The following ST6GALNAC3 variants were observed in gnomAD, a reference collection of about 807,000 sequenced individuals.
ST6GALNAC3 encodes the protein ST6 N-acetylgalactosaminide alpha-2,6-sialyltransferase 3.
In ST6GALNAC3, 25 loss-of-function variants were observed where a neutral mutation model predicts 32.7. That is an observed-to-expected ratio of 0.76 (90% confidence interval 0.56 to 1.07). ST6GALNAC3 has a LOEUF of 1.07. Ranked by LOEUF, ST6GALNAC3 falls within the 50% of genes least tolerant of loss-of-function variation. The pLI, the probability that ST6GALNAC3 is intolerant of heterozygous loss-of-function variation, is 0.00. For missense variants in ST6GALNAC3, 355 were observed against 382.4 expected, an observed-to-expected ratio of 0.93 and a Z score of 0.60; for synonymous variants, 129 against 133.1, an observed-to-expected ratio of 0.97 and a Z score of 0.21.
At chr1:76,386,245 A>T (rs1424862316) in intron 2 of ST6GALNAC3, among the ~76,000 whole-genome samples, 1 of 152,146 alleles carries the variant, frequency 6.6e-6, no homozygotes, top group African/African-American at 2.4e-5. Context: ...CTTAACTTGT[A>T]AGGCTATGAG....
chr1:76,577,073 G>T (rs1351609733), intron 3 of ST6GALNAC3: 3 of 1,105,900 alleles, frequency 2.7e-6, no homozygotes, highest in Non-Finnish European at 3.4e-6. Context: ...TAATTATTCA[G>T]GTATGATGGT....
At chr1:76,568,722 G>A (rs72991832) in intron 3 of ST6GALNAC3, among the ~76,000 whole-genome samples, 1 of 152,100 alleles carries the variant, frequency 6.6e-6, no homozygotes, top group Non-Finnish European at 1.5e-5. Context: ...TTCGTGTCCA[G>A]GTGCATTAAT....
intron 1 of ST6GALNAC3, among the ~76,000 whole-genome samples, chr1:76,232,377 C>A (rs1656411300): frequency 6.6e-6 from 1 of 152,092 alleles, no homozygotes. Context: ...ACAGGGAGGT[C>A]CACTCACCCC....
chr1:76,133,170 G>A (rs1301981145), intron 1 of ST6GALNAC3, among the ~76,000 whole-genome samples: 1 of 152,120 alleles, frequency 6.6e-6, no homozygotes, highest in African/African-American at 2.4e-5. Context: ...ACACCAACCA[G>A]GTAGCTTGGG....
At chr1:76,591,731 G>T (rs758760673) in intron 3 of ST6GALNAC3, among the ~76,000 whole-genome samples, 34 of 152,054 alleles carry the variant, frequency 2.2e-4, no homozygotes, top group Non-Finnish European at 4.6e-4. Flanking sequence ...ATGGAAAATG[G>T]CCTGGCTGCC....
chr1:76,381,180 A>G (rs1016578317), intron 2 of ST6GALNAC3, among the ~76,000 whole-genome samples: 1 of 132,920 alleles, frequency 7.5e-6, no homozygotes, highest in Admixed American at 8.2e-5. Flanking sequence ...AAAAAAAAAA[A>G]AAAAAAGAAA....
chr1:76,364,711 C>A (rs972895760), intron 2 of ST6GALNAC3, among the ~76,000 whole-genome samples: 1 of 151,576 alleles, frequency 6.6e-6, no homozygotes, highest in Non-Finnish European at 1.5e-5. Flanking sequence ...ATACAAGTGG[C>A]CAAGAAACAT....
At chr1:76,360,888 A>G (rs1274316592) in intron 2 of ST6GALNAC3, among the ~76,000 whole-genome samples, 1 of 152,098 alleles carries the variant, frequency 6.6e-6, no homozygotes, top group African/African-American at 2.4e-5. Flanking sequence ...CTTTCCTTTC[A>G]TGTATTCCTG....
intron 1 of ST6GALNAC3, among the ~76,000 whole-genome samples, chr1:76,264,412 C>T (rs549043044): frequency 1.3e-5 from 2 of 152,318 alleles, no homozygotes; most frequent in African/African-American, 2.4e-5. Flanking sequence ...TCACCAAGCA[C>T]GTCTGCCATA....
intron 2 of ST6GALNAC3, among the ~76,000 whole-genome samples, chr1:76,405,505 G>T (rs1653761202): frequency 6.6e-6 from 1 of 152,006 alleles, no homozygotes; most frequent in African/African-American, 2.4e-5. Flanking sequence ...GAAGAGAAAG[G>T]GATGGTTTTC....
chr1:76,115,440 T>C (rs1648400059), intron 1 of ST6GALNAC3, among the ~76,000 whole-genome samples: 1 of 152,220 alleles, frequency 6.6e-6, no homozygotes, highest in East Asian at 1.9e-4. Context: ...CCATACTTAG[T>C]ATTAAAACCA....
intron 3 of ST6GALNAC3, among the ~76,000 whole-genome samples, chr1:76,619,900 C>T (rs1648528619): frequency 6.6e-6 from 1 of 152,094 alleles, no homozygotes; most frequent in African/African-American, 2.4e-5. Context: ...CAGCCTTAAT[C>T]CACAGCTCAG....
intron 1 of ST6GALNAC3, among the ~76,000 whole-genome samples, chr1:76,284,332 CA>C (rs1478124754): frequency 6.6e-6 from 1 of 152,072 alleles, no homozygotes; most frequent in Non-Finnish European, 1.5e-5. Flanking sequence ...CAGAAACAGT[CA>C]AAAAGTTCTT....
rs373731545 is a variant in ST6GALNAC3, at chr1:76,277,590, G to GTATATA, written c.19-36198_19-36193dup. Among the ~76,000 whole-genome samples, 139 of 46,242 alleles carry GTATATA rather than the reference G, an allele frequency of 3.0e-3. 1 individual carries two copies. The highest frequency in any genetic ancestry group is 0.014 in the African/African-American group (102 of 7,342). The allele number at this position is 46,242 out of a possible 152,430, so 30.3% of individuals were successfully genotyped here. A position where few individuals can be genotyped will look rare whatever the true frequency, so the allele number is the denominator to read the frequency against. On this transcript the variant is annotated intron_variant, in intron 1 of 4. Transcript: ENST00000328299. ...TATACACACACACATATGTTTATGT[G>GTATATA]TATATATATATATATATATATACAC...
At chr1:76,617,212 C>A (rs1313829034) in intron 3 of ST6GALNAC3, among the ~76,000 whole-genome samples, 1 of 152,148 alleles carries the variant, frequency 6.6e-6, no homozygotes, top group East Asian at 1.9e-4. Context: ...TCTCCTATAA[C>A]CATTTCTAAA....
chr1:76,210,441 T>C (rs1023980879), intron 1 of ST6GALNAC3, among the ~76,000 whole-genome samples: 1 of 152,218 alleles, frequency 6.6e-6, no homozygotes, highest in South Asian at 2.1e-4. Flanking sequence ...TGATTGAACC[T>C]TATCTATATT....
chr1:76,629,129 C>T lies in ST6GALNAC3; in HGVS notation c.*323C>T. On this transcript the variant is annotated 3_prime_UTR_variant, in exon 5 of 5. Transcript: ENST00000328299. Reference sequence around the variant, plus strand: ...GAAGATTATCTTTCAAGATAGCTGCCTAGAATTGTTCAACAGTGAGTAACT... The same window carrying T: ...GAAGATTATCTTTCAAGATAGCTGCTTAGAATTGTTCAACAGTGAGTAACT... 2 of 1,082,536 alleles carry T rather than the reference C, an allele frequency of 1.8e-6. No homozygotes were observed. Among genetic ancestry groups the T allele is most frequent in the Non-Finnish European group, 2.2e-6 (2 of 893,540 alleles). The allele number at this position is 1,082,536 out of a possible 1,614,324, so 67.1% of individuals were successfully genotyped here.
At chr1:76,482,165 C>T (rs1343231537) in intron 3 of ST6GALNAC3, among the ~76,000 whole-genome samples, 2 of 151,828 alleles carry the variant, frequency 1.3e-5, no homozygotes, top group Non-Finnish European at 2.9e-5. Context: ...CACACACACA[C>T]ACATGCACTT....
chr1:76,610,255 C>A (rs187061134), intron 3 of ST6GALNAC3, among the ~76,000 whole-genome samples: 2 of 152,082 alleles, frequency 1.3e-5, no homozygotes, highest in East Asian at 3.9e-4. Flanking sequence ...GTAATTAAAT[C>A]CCCTGTTAGC....
Sources: allele counts gnomAD v4.1 joint callset (sites outside exome capture counted in the v4.1 genomes callset), GRCh38; gene constraint gnomAD v4.1.1; transcripts MANE v1.5; gene names NCBI Gene and HGNC (gene_info 2026-07-23, HGNC 2026-07-21).